Variants in RFX3 observed in about 807,000 individuals in gnomAD.
The protein encoded by RFX3 is transcription factor RFX3.
In RFX3, 14 loss-of-function variants were observed where a neutral mutation model predicts 98.6. That is an observed-to-expected ratio of 0.14 (90% confidence interval 0.09 to 0.22). RFX3 has a LOEUF of 0.22. Among genes scored for constraint, RFX3 ranks in the 10% least tolerant of loss-of-function variants. The probability of loss-of-function intolerance (pLI) is 1.00; values close to 1 mark genes in which losing one functional copy is unlikely to be tolerated. For synonymous variants in RFX3, 383 were observed against 328.4 expected (o/e 1.17, Z -1.80); for missense variants, 639 against 926.9 (o/e 0.69, Z 4.03).
chr9:3,484,792 T>C (rs1850102936), intron 1 of RFX3, among the ~76,000 whole-genome samples: 2 of 152,064 alleles, frequency 1.3e-5, no homozygotes, highest in African/African-American at 2.4e-5. Flanking sequence ...GGCAGTTAAA[T>C]AGTAAACAAA....
intron 2 of RFX3, among the ~76,000 whole-genome samples, chr9:3,360,412 T>G (rs2131372374): frequency 6.6e-6 from 1 of 152,232 alleles, no homozygotes; most frequent in African/African-American, 2.4e-5. Context: ...AAAATGACCT[T>G]GAGTTAATTT....
intron 5 of RFX3, among the ~76,000 whole-genome samples, chr9:3,297,540 T>C (rs916085061): frequency 6.6e-6 from 1 of 152,056 alleles, no homozygotes; most frequent in East Asian, 1.9e-4. Context: ...CCAATTAACA[T>C]CTAAATGTAA....
chr9:3,504,943 TA>T lies in RFX3; in HGVS notation c.-9+20803del, dbSNP rs1472938161. ...TAACATATATTATATATAATATATA[TA>T]ATATAATATATATTATATATAATAT... is the stretch of plus-strand genomic sequence containing the variant. On this transcript the variant is annotated intron_variant, in intron 1 of 16. Transcript: ENST00000617270. 3.9e-4 allele frequency among the ~76,000 whole-genome samples: 28 copies of T among 71,704 alleles called. 2 individuals are homozygous for T. Among genetic ancestry groups the T allele is most frequent in the African/African-American group, 1.5e-3 (21 of 14,386 alleles). The allele number at this position is 71,704 out of a possible 152,430, so 47.0% of individuals were successfully genotyped here.
chr9:3,394,490 G>A (rs1194535795), intron 2 of RFX3, among the ~76,000 whole-genome samples: 1 of 152,020 alleles, frequency 6.6e-6, no homozygotes, highest in Non-Finnish European at 1.5e-5. Flanking sequence ...AACACAAGAC[G>A]ATTATCTCAG....
intron 1 of RFX3, among the ~76,000 whole-genome samples, chr9:3,409,652 C>A (rs1842288043): frequency 6.6e-6 from 1 of 152,080 alleles, no homozygotes; most frequent in African/African-American, 2.4e-5. Flanking sequence ...GTAAATTTAA[C>A]AAAATGGCCA....
chr9:3,344,497 T>G (rs920522780), intron 3 of RFX3, among the ~76,000 whole-genome samples: 1 of 152,168 alleles, frequency 6.6e-6, no homozygotes. Flanking sequence ...TGGTACTTCA[T>G]TTCATACATA....
At position 3,257,189 on chromosome 9, in the gene RFX3, G is replaced by C. The variant is rs868537198; in HGVS notation, c.1616C>G (p.Ser539Cys). 6.2e-7 allele frequency: 1 copy of C among 1,613,878 alleles called. No homozygotes were observed. The highest frequency in any genetic ancestry group is 2.2e-5 in the East Asian group (1 of 44,838). Residue 539 changes from serine (S) to cysteine (C), a missense_variant, in exon 14 of 17, where the codon TCC (serine) becomes TGC (cysteine). This residue lies in a region of RFX3 where 138 missense variants were observed against 308.9 expected (regional missense o/e 0.45). Coordinates refer to ENST00000617270, the MANE Select transcript of RFX3 (RefSeq NM_001282116.2). ...VDFANVQEQASWVCQCDDNMV... is the reference protein window; with the variant it reads ...VDFANVQEQACWVCQCDDNMV... The stretch of plus-strand genomic sequence containing the variant: ...GTTGTCATCACACTGGCACACCCAG[G>C]AAGCCTGCTCCTGAGACAGTAACAC...
At chr9:3,388,630 A>G (rs537890692) in intron 2 of RFX3, among the ~76,000 whole-genome samples, 1 of 152,226 alleles carries the variant, frequency 6.6e-6, no homozygotes, top group East Asian at 1.9e-4. Flanking sequence ...TATAGTCTTG[A>G]AAGGAGCTTT....
chr9:3,327,650 C>A (rs932584953), intron 4 of RFX3, among the ~76,000 whole-genome samples: 2 of 151,114 alleles, frequency 1.3e-5, no homozygotes, highest in African/African-American at 4.9e-5. Flanking sequence ...GAATTTTTAT[C>A]CTTAACAAAA....
chr9:3,524,249 G>C (rs537085679), intron 1 of RFX3, among the ~76,000 whole-genome samples: 2 of 152,070 alleles, frequency 1.3e-5, no homozygotes, highest in East Asian at 1.9e-4. Flanking sequence ...AAATTTAGGG[G>C]ATCTGTAAAA....
rs139906363 is a variant in RFX3, at chr9:3,249,444, T to C, written c.1815-1259A>G. Among the ~76,000 whole-genome samples the C allele has an allele frequency of 7.3e-4, 111 of 152,282 alleles. 1 individual carries two copies. The highest frequency in any genetic ancestry group is 2.6e-3 in the African/African-American group (107 of 41,574). ...GAAAACAAAACATTGCCTTTAGTCT[T>C]ATCTAACTTACATGCTTATTTCAAG... On this transcript the variant is annotated intron_variant, in intron 14 of 16. Transcript: ENST00000617270.
At chr9:3,351,338 T>C (rs1835096892) in intron 2 of RFX3, among the ~76,000 whole-genome samples, 1 of 152,014 alleles carries the variant, frequency 6.6e-6, no homozygotes, top group Non-Finnish European at 1.5e-5. Flanking sequence ...TACAAACATA[T>C]ACTAGTTTAA....
intron 1 of RFX3, among the ~76,000 whole-genome samples, chr9:3,448,088 T>A (rs992067744): frequency 2.6e-5 from 4 of 152,040 alleles, no homozygotes; most frequent in African/African-American, 9.7e-5. Flanking sequence ...TCACTTCACC[T>A]ACTTAACTTC....
Position 3,395,382 on chromosome 9 carries a change from T to A in RFX3, c.117+90A>T, listed in dbSNP as rs1840749880. The A allele has an allele frequency of 2.8e-6, 4 of 1,452,460 alleles. No individual in the cohort carries two copies. The South Asian group carries it at 4.8e-5, about 18-fold the overall frequency. The allele number at this position is 1,452,460 out of a possible 1,614,324, so 90.0% of individuals were successfully genotyped here. On this transcript the variant is annotated intron_variant, in intron 2 of 16. Transcript: ENST00000617270. ...AAGTATGCCTATCATAGCAAGACAG[T>A]AAAGTTCAAATAATTTTTGGATACA...
intron 1 of RFX3, among the ~76,000 whole-genome samples, chr9:3,453,925 A>G (rs1413986945): frequency 6.6e-6 from 1 of 152,166 alleles, no homozygotes. Flanking sequence ...ACTGTAAAAA[A>G]AGATATGTCC....
At chr9:3,320,326 GC>G (rs1317308565) in intron 4 of RFX3, among the ~76,000 whole-genome samples, 3 of 152,050 alleles carry the variant, frequency 2.0e-5, no homozygotes, top group Non-Finnish European at 4.4e-5. Flanking sequence ...GCTGAGGCAG[GC>G]GGATCACTTG....
intron 1 of RFX3, among the ~76,000 whole-genome samples, chr9:3,404,502 C>G (rs551288204): frequency 6.6e-6 from 1 of 152,230 alleles, no homozygotes; most frequent in African/African-American, 2.4e-5. Flanking sequence ...CCATGGATGG[C>G]TGTCCTTCCA....
At chr9:3,310,209 T>G (rs757794013) in intron 4 of RFX3, among the ~76,000 whole-genome samples, 6 of 152,166 alleles carry the variant, frequency 3.9e-5, no homozygotes, top group African/African-American at 9.7e-5. Context: ...TTGAGTCTTT[T>G]GTATGATTTA....
chr9:3,521,888 T>C (rs903895274), intron 1 of RFX3, among the ~76,000 whole-genome samples: 18 of 152,182 alleles, frequency 1.2e-4, no homozygotes, highest in Admixed American at 6.5e-5. Context: ...TGTTCCTGTG[T>C]ACTTTTTCTG....
Sources: allele counts gnomAD v4.1 joint callset (sites outside exome capture counted in the v4.1 genomes callset), GRCh38; gene constraint gnomAD v4.1.1; regional missense constraint gnomAD v4.1.1; transcripts MANE v1.5; gene names NCBI Gene and HGNC (gene_info 2026-07-23, HGNC 2026-07-21).